The following SH3PXD2A variants were observed in gnomAD, a reference collection of about 807,000 sequenced individuals.
SH3PXD2A encodes the protein SH3 and PX domain-containing protein 2A.
Under a neutral mutation model 115.2 loss-of-function variants are expected in SH3PXD2A, and 32 were observed. The ratio of observed to expected loss-of-function variants is 0.28; its 90% CI spans 0.21 to 0.37. The LOEUF (loss-of-function observed/expected upper bound fraction) is 0.37. SH3PXD2A is among the 10% of genes least tolerant of loss of function. The pLI is 1.00. For synonymous variants in SH3PXD2A, 610 were observed against 629.1 expected, an observed-to-expected ratio of 0.97 and a Z score of 0.45; for missense variants, 1,328 against 1,498.7, an observed-to-expected ratio of 0.89 and a Z score of 1.88.
chr10:103,796,700 T>C (rs570906859), intron 2 of SH3PXD2A, among the ~76,000 whole-genome samples: 1 of 152,298 alleles, frequency 6.6e-6, no homozygotes, highest in African/African-American at 2.4e-5. Context: ...GCCTGGACTC[T>C]CATCTTTCTA....
chr10:103,615,805 T>C (rs1224150392), intron 11 of SH3PXD2A, among the ~76,000 whole-genome samples: 1 of 152,002 alleles, frequency 6.6e-6, no homozygotes, highest in African/African-American at 2.4e-5. Flanking sequence ...GCAAGTGAGC[T>C]AGGCCACCAG....
chr10:103,762,822 A>G (rs1329873413), intron 3 of SH3PXD2A, among the ~76,000 whole-genome samples: 1 of 152,090 alleles, frequency 6.6e-6, no homozygotes, highest in Non-Finnish European at 1.5e-5. Flanking sequence ...GGATATGCCA[A>G]TGTCAGCCCC....
chr10:103,679,633 GC>G (rs1212159278), intron 6 of SH3PXD2A, among the ~76,000 whole-genome samples: 3 of 152,240 alleles, frequency 2.0e-5, no homozygotes, highest in Non-Finnish European at 4.4e-5. Context: ...ACTGTGTATG[GC>G]AGGAGCTCAC....
Position 103,830,719 on chromosome 10 carries a change from G to A in SH3PXD2A, c.72+24476C>T, listed in dbSNP as rs931237174. Among the ~76,000 whole-genome samples the A allele has an allele frequency of 5.9e-5, 9 of 152,106 alleles. No homozygotes were observed. The South Asian group carries it at 1.9e-3, about 32-fold the overall frequency. On this transcript the variant is annotated intron_variant, in intron 1 of 14. Transcript: ENST00000369774. The stretch of plus-strand genomic sequence containing the variant: ...TTATAAATATAGTATTGAGTAAAAA[G>A]GGAGATTACCAAACAAAATCAATAG...
chr10:103,846,174 C>T (rs2134324143), intron 1 of SH3PXD2A, among the ~76,000 whole-genome samples: 1 of 152,370 alleles, frequency 6.6e-6, no homozygotes, highest in South Asian at 2.1e-4. Context: ...GGGTGGCTTC[C>T]TCGCCAGCCA....
intron 5 of SH3PXD2A, among the ~76,000 whole-genome samples, chr10:103,706,020 G>A (rs977276405): frequency 1.9e-4 from 28 of 149,368 alleles, no homozygotes; most frequent in African/African-American, 6.4e-4. Context: ...AAAAAAAAAA[G>A]AAAGAAAGAA....
chr10:103,825,803 A>G (rs1015912488), intron 1 of SH3PXD2A, among the ~76,000 whole-genome samples: 10 of 136,124 alleles, frequency 7.3e-5, no homozygotes, highest in African/African-American at 5.6e-5. Context: ...TCGCTCTGTC[A>G]CCCAGGCTGG....
At chr10:103,742,374 C>T (rs1162991318) in intron 3 of SH3PXD2A, among the ~76,000 whole-genome samples, 1 of 152,234 alleles carries the variant, frequency 6.6e-6, no homozygotes, top group African/African-American at 2.4e-5. Flanking sequence ...TGTCCCACAT[C>T]TCCTTCTGCC....
At chr10:103,790,680 C>T (rs1258242839) in intron 2 of SH3PXD2A, among the ~76,000 whole-genome samples, 1 of 152,132 alleles carries the variant, frequency 6.6e-6, no homozygotes, top group Non-Finnish European at 1.5e-5. Flanking sequence ...GTAGTGACTT[C>T]CTAAAGATAC....
chr10:103,612,909 C>T lies in SH3PXD2A; in HGVS notation c.1202G>A (p.Arg401Lys). ...AVGVPDRTVS[R>K]LAQGSPAVAR... is the part of the protein sequence containing the mutation. ...CACAGCTGGAGAGCCCTGGGCCAGC[C>T]TGGAGACAGTCCTGTCAGGAACGCC... The change falls in exon 12 of 15, where the codon AGG (arginine) becomes AAG (lysine). Residue 401 changes from arginine to lysine, a missense_variant. Transcript: ENST00000369774. 6.2e-7 allele frequency: 1 copy of T among 1,610,178 alleles called. No homozygotes were observed. The highest frequency in any genetic ancestry group is 1.1e-5 in the South Asian group (1 of 90,228).
chr10:103,780,567 G>C (rs941147723), intron 2 of SH3PXD2A, among the ~76,000 whole-genome samples: 8 of 152,158 alleles, frequency 5.3e-5, no homozygotes, highest in Admixed American at 5.2e-4. Flanking sequence ...ACTCAGGAGA[G>C]GGCAATGAAA....
chr10:103,805,223 C>G (rs1325053833), intron 1 of SH3PXD2A, among the ~76,000 whole-genome samples: 1 of 152,186 alleles, frequency 6.6e-6, no homozygotes, highest in Non-Finnish European at 1.5e-5. Flanking sequence ...TGGGAGGATA[C>G]AGGGAGACCT....
chr10:103,688,034 A>C (rs531008675), intron 6 of SH3PXD2A, among the ~76,000 whole-genome samples: 1 of 152,296 alleles, frequency 6.6e-6, no homozygotes, highest in African/African-American at 2.4e-5. Flanking sequence ...AGCAGACTGC[A>C]AACTTCTCTA....
intron 6 of SH3PXD2A, among the ~76,000 whole-genome samples, chr10:103,688,921 C>T (rs2134122051): frequency 6.6e-6 from 1 of 152,130 alleles, no homozygotes; most frequent in East Asian, 1.9e-4. Flanking sequence ...GGCTGTAGTG[C>T]AGTGGCACAA....
intron 2 of SH3PXD2A, among the ~76,000 whole-genome samples, chr10:103,776,486 G>A (rs138424609): frequency 1.4e-5 from 2 of 139,024 alleles, no homozygotes; most frequent in Non-Finnish European, 1.5e-5. Context: ...TAACTATTTA[G>A]TTTGCTAGGG....
In SH3PXD2A at chr10:103,657,558, A is replaced by G. The variant is rs146379066; in HGVS notation, c.604+3425T>C. ...CCAAAGCTATGAATCTTCCTGCTCT[A>G]TGTGTCCCTGTATATCAATGGAGAA... On this transcript the variant is annotated intron_variant, in intron 8 of 14. Transcript: ENST00000369774. Among the ~76,000 whole-genome samples the G allele has an allele frequency of 1.5e-3, 231 of 152,288 alleles. 1 individual carries two copies. The highest frequency in any genetic ancestry group is 5.3e-3 in the African/African-American group (219 of 41,542).
chr10:103,661,200 G>T (rs2037295360), intron 7 of SH3PXD2A, 86 bp from the exon 8 acceptor site: 1 of 1,488,120 alleles, frequency 6.7e-7, no homozygotes, highest in Non-Finnish European at 9.0e-7. Flanking sequence ...GCCTCCTCGG[G>T]GGTGGCTGCT....
intron 5 of SH3PXD2A, among the ~76,000 whole-genome samples, chr10:103,715,069 C>T (rs746469190): frequency 2.6e-5 from 4 of 152,204 alleles, no homozygotes; most frequent in South Asian, 2.1e-4. Flanking sequence ...ACCTTCAGCT[C>T]GGCCAACCCA....
chr10:103,824,277 A>G (rs970332919), intron 1 of SH3PXD2A, among the ~76,000 whole-genome samples: 1 of 152,182 alleles, frequency 6.6e-6, no homozygotes, highest in Non-Finnish European at 1.5e-5. Context: ...GGAAGGGCAG[A>G]GTTGGGAAAT....
Sources: allele counts gnomAD v4.1 joint callset (sites outside exome capture counted in the v4.1 genomes callset), GRCh38; gene constraint gnomAD v4.1.1; transcripts MANE v1.5; gene names NCBI Gene and HGNC (gene_info 2026-07-23, HGNC 2026-07-21).